Variants in CDH13 observed in about 807,000 individuals in gnomAD.
CDH13 encodes cadherin 13.
Under a neutral mutation model 63.8 loss-of-function variants are expected in CDH13, and 24 were observed. The ratio of observed to expected loss-of-function variants is 0.38; its 90% CI spans 0.27 to 0.53. The LOEUF (loss-of-function observed/expected upper bound fraction) is 0.53, where lower values mean the gene tolerates loss of function less well. CDH13 is among the 20% of genes least tolerant of loss of function. CDH13 has a pLI of 0.85. For synonymous variants in CDH13, 503 were observed against 355.3 expected, an observed-to-expected ratio of 1.42 and a Z score of -4.67; for missense variants, 1,049 against 903.1, an observed-to-expected ratio of 1.16 and a Z score of -2.07.
intron 5 of CDH13, among the ~76,000 whole-genome samples, chr16:83,256,533 C>T (rs1027437160): frequency 6.6e-6 from 1 of 151,770 alleles, no homozygotes; most frequent in Non-Finnish European, 1.5e-5. Context: ...GTTCCCTGAC[C>T]TCAAGAAGTT....
rs12924633 is a variant in CDH13 at position 83,473,079 on chromosome 16, C to A, written c.782-13398C>A. 2.6e-5 allele frequency among the ~76,000 whole-genome samples: 4 copies of A among 152,304 alleles called. No homozygotes were observed. The South Asian group carries it at 8.3e-4, about 32-fold the overall frequency. Reference sequence around the variant, plus strand: ...CAGTCCAGAAGGCCCCCTCTTAGATCTCAATCCCAGCGCATTTAATTTCAG... The same window carrying A: ...CAGTCCAGAAGGCCCCCTCTTAGATATCAATCCCAGCGCATTTAATTTCAG... On this transcript the variant is annotated intron_variant, in intron 6 of 13. Transcript: ENST00000567109.
chr16:83,587,433 C>A (rs1906276662), intron 7 of CDH13, among the ~76,000 whole-genome samples: 1 of 152,202 alleles, frequency 6.6e-6, no homozygotes, highest in Non-Finnish European at 1.5e-5. Context: ...TCCTGTGCTT[C>A]TGTCACTGGG....
chr16:82,840,691 A>C (rs1275449617), intron 1 of CDH13, among the ~76,000 whole-genome samples: 1 of 151,832 alleles, frequency 6.6e-6, no homozygotes, highest in Non-Finnish European at 1.5e-5. Flanking sequence ...TCTCAAAAAA[A>C]AAAAAAAAAA....
Position 82,687,345 on chromosome 16 carries a change from G to C in CDH13, c.45+60208G>C, listed in dbSNP as rs567297808. Among the ~76,000 whole-genome samples the C allele has an allele frequency of 2.0e-4, 31 of 152,270 alleles. 1 individual carries two copies. In the South Asian group the frequency reaches 5.8e-3, roughly 29 times the overall value. ...CAAGATGTAAGTGATATCAGCTGGAGGACAACTTTACTGGTCTATGTGGGT... is the reference window on the plus strand; with the variant it reads ...CAAGATGTAAGTGATATCAGCTGGACGACAACTTTACTGGTCTATGTGGGT... On this transcript the variant is annotated intron_variant, in intron 1 of 13. Coordinates refer to ENST00000567109, the MANE Select transcript of CDH13 (RefSeq NM_001257.5).
At chr16:82,941,011 G>T (rs1372302640) in intron 2 of CDH13, among the ~76,000 whole-genome samples, 1 of 152,238 alleles carries the variant, frequency 6.6e-6, no homozygotes, top group South Asian at 2.1e-4. Context: ...TTGCTTTGTA[G>T]ATGGACAATA....
intron 1 of CDH13, among the ~76,000 whole-genome samples, chr16:82,638,525 A>G (rs575730853): frequency 2.0e-4 from 31 of 152,268 alleles, no homozygotes; most frequent in African/African-American, 7.5e-4. Context: ...TGTTGGTTGT[A>G]TTACTTTTCA....
intron 5 of CDH13, among the ~76,000 whole-genome samples, chr16:83,293,749 G>T (rs2089520001): frequency 6.6e-6 from 1 of 152,072 alleles, no homozygotes; most frequent in Non-Finnish European, 1.5e-5. Flanking sequence ...TCATGAACCG[G>T]GTTGGAAAGT....
intron 2 of CDH13, among the ~76,000 whole-genome samples, chr16:82,939,324 G>A (rs1352985476): frequency 6.6e-6 from 1 of 152,126 alleles, no homozygotes; most frequent in Non-Finnish European, 1.5e-5. Context: ...TCAATAGGCT[G>A]AGACAGAAGG....
chr16:83,221,463 A>G (rs2039697442), intron 5 of CDH13, among the ~76,000 whole-genome samples: 1 of 152,238 alleles, frequency 6.6e-6, no homozygotes, highest in Admixed American at 6.5e-5. Context: ...TTTGAGTGAT[A>G]TGTGAACTCT....
intron 5 of CDH13, among the ~76,000 whole-genome samples, chr16:83,221,157 G>A (rs1479311690): frequency 1.3e-5 from 2 of 152,156 alleles, no homozygotes; most frequent in Non-Finnish European, 2.9e-5. Context: ...TTTATCCCCA[G>A]CTAGATTTTA....
intron 2 of CDH13, among the ~76,000 whole-genome samples, chr16:82,927,937 G>C (rs907172074): frequency 6.6e-6 from 1 of 152,176 alleles, no homozygotes; most frequent in Non-Finnish European, 1.5e-5. Flanking sequence ...AGATATTGGG[G>C]CTATAAGACA....
chr16:82,680,438 T>A (rs956308252), intron 1 of CDH13, among the ~76,000 whole-genome samples: 6 of 151,964 alleles, frequency 3.9e-5, no homozygotes, highest in Non-Finnish European at 7.4e-5. Flanking sequence ...ACCCAGGAAG[T>A]GTGATTCTTG....
chr16:83,038,022 G>C (rs1917017920), intron 3 of CDH13, among the ~76,000 whole-genome samples: 1 of 152,168 alleles, frequency 6.6e-6, no homozygotes, highest in South Asian at 2.1e-4. Context: ...TGGGGAACAG[G>C]AAGAGAAAGT....
At chr16:82,889,491 G>C (rs1435781775) in intron 2 of CDH13, among the ~76,000 whole-genome samples, 1 of 152,240 alleles carries the variant, frequency 6.6e-6, no homozygotes, top group Non-Finnish European at 1.5e-5. Flanking sequence ...CACCCACTGT[G>C]TCTGGCATGT....
chr16:83,626,541 AC>A (rs1479490810), intron 8 of CDH13, among the ~76,000 whole-genome samples: 7 of 152,090 alleles, frequency 4.6e-5, no homozygotes, highest in Admixed American at 4.6e-4. Context: ...TGGTTTCCAA[AC>A]CTGGACTGGG....
intron 10 of CDH13, among the ~76,000 whole-genome samples, chr16:83,700,416 T>G (rs1201749163): frequency 6.6e-6 from 1 of 152,228 alleles, no homozygotes; most frequent in Non-Finnish European, 1.5e-5. Context: ...ATAGCCATTT[T>G]TCTCCCGATT....
At chr16:83,506,596 G>A (rs2074402779) in intron 7 of CDH13, among the ~76,000 whole-genome samples, 1 of 152,216 alleles carries the variant, frequency 6.6e-6, no homozygotes, top group African/African-American at 2.4e-5. Flanking sequence ...AGGGCTCCCA[G>A]TGATTCTCAC....
intron 6 of CDH13, among the ~76,000 whole-genome samples, chr16:83,460,509 G>A (rs1007278259): frequency 3.9e-5 from 6 of 152,206 alleles, no homozygotes; most frequent in African/African-American, 1.4e-4. Flanking sequence ...GTACCCGGCA[G>A]TGTGTACGTC....
At chr16:82,738,795 T>C (rs1309363131) in intron 1 of CDH13, among the ~76,000 whole-genome samples, 1 of 152,238 alleles carries the variant, frequency 6.6e-6, no homozygotes, top group African/African-American at 2.4e-5. Context: ...ATAACCTTGG[T>C]GGTTCCTTTT....
Sources: gnomAD v4.1 joint callset for allele counts (sites outside exome capture counted in the v4.1 genomes callset) on GRCh38, gnomAD v4.1.1 for gene constraint, MANE v1.5 for transcripts, NCBI Gene and HGNC (gene_info 2026-07-23, HGNC 2026-07-21) for gene names.